The following GSDMC variants were observed in gnomAD, a reference collection of about 807,000 sequenced individuals.
GSDMC encodes the protein gasdermin-C.
In GSDMC, 59 loss-of-function variants were observed where a neutral mutation model predicts 58.0. The observed-to-expected ratio is 1.02, with a 90% confidence interval of 0.82 to 1.26. The LOEUF is 1.26. Among genes scored for constraint, GSDMC ranks in the 50% most tolerant of loss-of-function variants. GSDMC has a pLI of 0.00. For synonymous variants in GSDMC, 241 were observed against 220.2 expected (o/e 1.09, Z -0.83); for missense variants, 659 against 598.5 (o/e 1.10, Z -1.06).
At chr8:129,708,995 G>C in the GSDMC span, among the ~76,000 whole-genome samples, 1 of 152,200 alleles carries the variant, frequency 6.6e-6, no homozygotes, top group Non-Finnish European at 1.5e-5. Context: ...GAGGTTAAAC[G>C]AGGTAACACA....
At chr8:129,731,320 G>A in the GSDMC span, among the ~76,000 whole-genome samples, 1 of 152,202 alleles carries the variant, frequency 6.6e-6, no homozygotes, top group Non-Finnish European at 1.5e-5. Flanking sequence ...GCCTTGCCCT[G>A]GGCCAGAGCT....
chr8:129,709,356 G>A, the GSDMC span, among the ~76,000 whole-genome samples: 1 of 152,052 alleles, frequency 6.6e-6, no homozygotes, highest in Non-Finnish European at 1.5e-5. Flanking sequence ...CACATCAGAG[G>A]CACACAGTAG....
At position 129,749,503 on chromosome 8, in the gene GSDMC, A is replaced by G; in HGVS notation, c.1236T>C (p.Asp412=). ...AIMVLSDFQH[D]LLACSMEKRI... ...TCTTCTCCATGGAACAGGCCAGCAA[A>G]TCGTGTTGGAAGTCACTCAGCACTG... Residue 412 remains aspartate (D), a synonymous_variant, in exon 13 of 14, where the codon GAT becomes GAC. Transcript: ENST00000276708. The G allele has an allele frequency of 6.2e-7, 1 of 1,613,904 alleles. No individual in the cohort carries two copies.
rs2130346143 is a variant in GSDMC at position 129,751,851 on chromosome 8, C to G, written c.916+11G>C. On this transcript the variant is annotated intron_variant, in intron 9 of 13. Transcript: ENST00000276708. ...GATCCCCACCCCCACCTCCAGCAAA[C>G]TCACACTCACCTACTGGGAGGATGT... 1 of 1,418,822 alleles carries G rather than the reference C, an allele frequency of 7.0e-7. No individual in the cohort carries two copies. Among genetic ancestry groups the G allele is most frequent in the East Asian group, 2.3e-5 (1 of 43,774 alleles). The allele number at this position is 1,418,822 out of a possible 1,614,324, so 87.9% of individuals were successfully genotyped here.
downstream of GSDMC, among the ~76,000 whole-genome samples, chr8:129,744,405 TG>T (rs1268658238): frequency 2.0e-5 from 3 of 152,186 alleles, no homozygotes; most frequent in African/African-American, 7.2e-5. Context: ...GCTCTAGAGA[TG>T]GAGGTTAGGT....
chr8:129,750,183 T>C, intron 11 of GSDMC, 64 bp from the exon 12 acceptor site: 5 of 1,317,524 alleles, frequency 3.8e-6, no homozygotes, highest in Non-Finnish European at 5.1e-6. Flanking sequence ...ATAATTTGCC[T>C]GTGTCTACTG....
intron 6 of GSDMC, among the ~76,000 whole-genome samples, chr8:129,754,328 A>G (rs2033345592): frequency 6.6e-6 from 1 of 152,214 alleles, no homozygotes; most frequent in African/African-American, 2.4e-5. Context: ...TGTTTGGGAG[A>G]AAGTAAGGGG....
the GSDMC span, among the ~76,000 whole-genome samples, chr8:129,708,779 T>C: frequency 1.3e-5 from 2 of 152,264 alleles, no homozygotes; most frequent in Admixed American, 6.5e-5. Flanking sequence ...ACAGCTGAAA[T>C]GCCTCTTCTA....
At chr8:129,741,963 AAAG>A in the GSDMC span, among the ~76,000 whole-genome samples, 1 of 142,042 alleles carries the variant, frequency 7.0e-6, no homozygotes. Context: ...CAGCCTTAAA[AAAG>A]AAGGATATGC....
chr8:129,751,114 A>AAGAG (rs887272078), intron 10 of GSDMC, among the ~76,000 whole-genome samples: 1 of 151,590 alleles, frequency 6.6e-6, no homozygotes, highest in Non-Finnish European at 1.5e-5. Flanking sequence ...TCAAAAAAAC[A>AAGAG]AGAGAGAGAG....
chr8:129,775,071 G>A (rs2034178850), intron 3 of GSDMC, among the ~76,000 whole-genome samples: 1 of 152,174 alleles, frequency 6.6e-6, no homozygotes, highest in Non-Finnish European at 1.5e-5. Context: ...TAGGTATACA[G>A]CCAATGAAAA....
the GSDMC span, chr8:129,706,541 G>T: frequency 6.6e-6 from 1 of 152,068 alleles, no homozygotes; most frequent in African/African-American, 2.4e-5. Flanking sequence ...TCCTTTCCTG[G>T]CCCAGATACT....
the GSDMC span, chr8:129,706,686 C>T: frequency 1.3e-5 from 2 of 152,212 alleles, no homozygotes; most frequent in Non-Finnish European, 2.9e-5. Context: ...AAACCCCATG[C>T]TACAAGCACA....
In GSDMC at chr8:129,762,712, C is replaced by T. The variant is rs149293328; in HGVS notation, c.590G>A (p.Ser197Asn). 1,272 of 1,613,244 alleles carry T rather than the reference C, an allele frequency of 7.9e-4. 2 individuals carry two copies. Among genetic ancestry groups the T allele is most frequent in the Admixed American group, 1.7e-3 (104 of 60,020 alleles). Residue 197 changes from serine to asparagine, a missense_variant, in exon 5 of 14, where the codon AGT becomes AAT. By Grantham distance (46) the Ser-to-Asn change is conservative (BLOSUM62 1). Transcript: ENST00000276708. ...CAGCGCCTTCTTCTTCACTCTGAGA[C>T]TCTCTCCTTGGCCTTGACCCTGGGG... The part of the protein sequence containing the change: ...TYGKGQGQGE[S>N]LRVKKKALTL...
At chr8:129,743,780 A>G (rs547835874), downstream of GSDMC, among the ~76,000 whole-genome samples, 30 of 152,286 alleles carry the variant, frequency 2.0e-4, no homozygotes, top group African/African-American at 7.0e-4. Flanking sequence ...TGGGGTTTAT[A>G]CAGCCTCCAC....
the GSDMC span, among the ~76,000 whole-genome samples, chr8:129,735,607 A>G: frequency 0.012 from 1,820 of 152,352 alleles, 36 homozygotes; most frequent in African/African-American, 0.042. Context: ...TTTGAAACCA[A>G]TGAGAAAAAA....
the GSDMC span, among the ~76,000 whole-genome samples, chr8:129,716,622 C>A: frequency 6.6e-6 from 1 of 152,166 alleles, no homozygotes; most frequent in Non-Finnish European, 1.5e-5. Context: ...TTTCTCTTGC[C>A]TGATTGCCCT....
chr8:129,762,496 G>A, intron 5 of GSDMC, 130 bp downstream of exon 5: 1 of 709,908 alleles, frequency 1.4e-6, no homozygotes, highest in South Asian at 1.6e-5. Flanking sequence ...TAAGAAATGT[G>A]CATGCTTCTC....
chr8:129,777,144 C>T (rs986512888), intron 2 of GSDMC, among the ~76,000 whole-genome samples: 5 of 152,178 alleles, frequency 3.3e-5, no homozygotes, highest in Non-Finnish European at 7.3e-5. Flanking sequence ...ATAATATCCT[C>T]ACCTCATGAG....
Sources: gnomAD v4.1 joint callset for allele counts (sites outside exome capture counted in the v4.1 genomes callset) on GRCh38, gnomAD v4.1.1 for gene constraint, MANE v1.5 for transcripts, NCBI Gene and HGNC (gene_info 2026-07-23, HGNC 2026-07-21) for gene names.